The following ZFHX3 variants were observed in gnomAD, a reference collection of about 807,000 sequenced individuals.
The protein encoded by ZFHX3 is zinc finger homeobox protein 3.
In ZFHX3, 42 loss-of-function variants were observed where a neutral mutation model predicts 279.1. The ratio of observed to expected loss-of-function variants is 0.15; its 90% CI spans 0.12 to 0.19. The LOEUF (loss-of-function observed/expected upper bound fraction) is 0.19. Among genes scored for constraint, ZFHX3 ranks in the 10% least tolerant of loss-of-function variants. ZFHX3 has a pLI of 1.00. For missense variants in ZFHX3, 4,981 were observed against 4,754.0 expected (o/e 1.05, Z -1.40); for synonymous variants, 2,293 against 1,957.8 (o/e 1.17, Z -4.52).
intron 3 of ZFHX3, among the ~76,000 whole-genome samples, chr16:73,385,939 T>C (rs1252753162): frequency 6.6e-6 from 1 of 151,356 alleles, no homozygotes; most frequent in African/African-American, 2.4e-5. Flanking sequence ...ATGTGTCTCA[T>C]GCCCCGAACC....
intron 2 of ZFHX3, among the ~76,000 whole-genome samples, chr16:73,475,554 C>T (rs927560893): frequency 3.3e-5 from 5 of 151,808 alleles, no homozygotes; most frequent in African/African-American, 9.7e-5. Context: ...TATACTCTTC[C>T]TCAAAGTTGC....
intron 3 of ZFHX3, among the ~76,000 whole-genome samples, chr16:72,916,642 C>T (rs951593827): frequency 2.0e-5 from 3 of 151,910 alleles, no homozygotes; most frequent in Admixed American, 6.6e-5. Context: ...TCTGTATGGC[C>T]CCAAGAAAAG....
At chr16:72,969,464 T>C (rs533926000) in intron 1 of ZFHX3, among the ~76,000 whole-genome samples, 6 of 152,158 alleles carry the variant, frequency 3.9e-5, no homozygotes, top group Middle Eastern at 3.4e-3. Flanking sequence ...CAAAGTTCCC[T>C]AACTTTGTGA....
intron 4 of ZFHX3, among the ~76,000 whole-genome samples, chr16:72,832,354 C>G (rs2037079896): frequency 6.6e-6 from 1 of 152,106 alleles, no homozygotes; most frequent in Non-Finnish European, 1.5e-5. Context: ...ATTCCTGGAG[C>G]TCTCATTCTG....
intron 1 of ZFHX3, among the ~76,000 whole-genome samples, chr16:73,700,109 G>C (rs983064037): frequency 6.6e-6 from 1 of 152,032 alleles, no homozygotes; most frequent in African/African-American, 2.4e-5. Flanking sequence ...TATGGTCTCA[G>C]CTACGTGAAA....
At chr16:73,800,377 T>C (rs1960109472) in intron 1 of ZFHX3, among the ~76,000 whole-genome samples, 1 of 151,998 alleles carries the variant, frequency 6.6e-6, no homozygotes, top group Non-Finnish European at 1.5e-5. Flanking sequence ...ACCACCCGCC[T>C]GGCTAATTTT....
intron 3 of ZFHX3, among the ~76,000 whole-genome samples, chr16:73,373,289 T>C (rs2016664516): frequency 6.6e-6 from 1 of 152,204 alleles, no homozygotes; most frequent in African/African-American, 2.4e-5. Flanking sequence ...TCATGAAGCA[T>C]CGCTCTCAGG....
intron 7 of ZFHX3, among the ~76,000 whole-genome samples, chr16:73,104,805 G>A (rs1966275763): frequency 6.6e-6 from 1 of 152,062 alleles, no homozygotes; most frequent in African/African-American, 2.4e-5. Flanking sequence ...GCCTTCCTTG[G>A]CCACTCCTTC....
chr16:72,884,135 T>C (rs1379009041), intron 4 of ZFHX3, among the ~76,000 whole-genome samples: 1 of 152,192 alleles, frequency 6.6e-6, no homozygotes, highest in African/African-American at 2.4e-5. Context: ...CTTGGTCTCT[T>C]AACTCTTAAG....
chr16:73,458,532 C>T (rs1258953537), intron 2 of ZFHX3, among the ~76,000 whole-genome samples: 3 of 152,046 alleles, frequency 2.0e-5, no homozygotes, highest in African/African-American at 7.2e-5. Context: ...CCTGCCACCA[C>T]ACCCTGCTAA....
chr16:73,184,433 G>A (rs1967869103), intron 5 of ZFHX3, among the ~76,000 whole-genome samples: 1 of 152,228 alleles, frequency 6.6e-6, no homozygotes, highest in Admixed American at 6.5e-5. Flanking sequence ...GTGAGGATGA[G>A]CCAGTAAAAT....
chr16:73,679,224 G>T (rs894706566), intron 2 of ZFHX3, among the ~76,000 whole-genome samples: 4 of 151,736 alleles, frequency 2.6e-5, no homozygotes, highest in African/African-American at 9.7e-5. Flanking sequence ...TCATCAAAAT[G>T]AACGTCTCAT....
chr16:72,977,680 A>G (rs186855613), intron 1 of ZFHX3, among the ~76,000 whole-genome samples: 59 of 151,378 alleles, frequency 3.9e-4, no homozygotes, highest in African/African-American at 1.0e-3. Flanking sequence ...GGACTCAGGG[A>G]AAAAAAAAGC....
At position 73,693,926 on chromosome 16, in the gene ZFHX3, TCTG is replaced by T. The variant is rs930125347; in HGVS notation, c.-1607-13689_-1607-13687del. On this transcript the variant is annotated intron_variant, in intron 1 of 17. Transcript: ENST00000641206. ...TTCAAGAACTAGTACCAAAATAAGC[TCTG>T]CTCTCAAGCCTGTCAGTTTTATGGT... Among the ~76,000 whole-genome samples the T allele has an allele frequency of 9.2e-5, 14 of 151,784 alleles. 2 individuals are homozygous for T. Among genetic ancestry groups the T allele is most frequent in the Admixed American group, 9.2e-4 (14 of 15,234 alleles).
chr16:73,018,872 A>G (rs1316831317), intron 1 of ZFHX3, among the ~76,000 whole-genome samples: 1 of 152,152 alleles, frequency 6.6e-6, no homozygotes, highest in Non-Finnish European at 1.5e-5. Flanking sequence ...TAACCAACCC[A>G]GAAAGAACTC....
intron 8 of ZFHX3, among the ~76,000 whole-genome samples, chr16:73,085,837 C>T (rs966908833): frequency 6.6e-6 from 1 of 151,910 alleles, no homozygotes; most frequent in Non-Finnish European, 1.5e-5. Context: ...AATGGAATTA[C>T]ATTAAGCCAG....
rs1472186320 is a variant in ZFHX3, at chr16:73,249,662, T to C, written c.-1104+7385A>G. On this transcript the variant is annotated intron_variant, in intron 5 of 17. Coordinates refer to the ZFHX3 transcript ENST00000641206. ...TTTGGGTGGGGATACAGCCAAACCA[T>C]ATCAGAGATTTTGTCACACTATACT... is the stretch of plus-strand genomic sequence containing the variant. Among the ~76,000 whole-genome samples the C allele has an allele frequency of 2.0e-5, 3 of 152,206 alleles. No individual in the cohort carries two copies. The East Asian group carries it at 5.8e-4, about 29-fold the overall frequency.
At chr16:73,881,678 A>ATGTGTG (rs72397861) in intron 1 of ZFHX3, among the ~76,000 whole-genome samples, 1 of 151,084 alleles carries the variant, frequency 6.6e-6, no homozygotes, top group South Asian at 2.1e-4. Flanking sequence ...TTGGTGCTAT[A>ATGTGTG]TGTGTGTGTG....
intron 1 of ZFHX3, among the ~76,000 whole-genome samples, chr16:73,698,009 G>A (rs756366707): frequency 2.0e-5 from 3 of 151,902 alleles, no homozygotes; most frequent in South Asian, 2.1e-4. Flanking sequence ...TATCTTTGTA[G>A]TGCCACAGCA....
Sources: gnomAD v4.1 joint callset for allele counts (sites outside exome capture counted in the v4.1 genomes callset) on GRCh38, gnomAD v4.1.1 for gene constraint, MANE v1.5 for transcripts, NCBI Gene and HGNC (gene_info 2026-07-23, HGNC 2026-07-21) for gene names.